Variants in CATSPERD observed in about 807,000 individuals in gnomAD.
CATSPERD encodes the protein cation channel sperm-associated auxiliary subunit delta.
CATSPERD carries 86 observed loss-of-function variants against 98.1 expected under a neutral mutation model. The ratio of observed to expected loss-of-function variants is 0.88; its 90% confidence interval spans 0.74 to 1.05. The LOEUF is 1.05. Among genes scored for constraint, CATSPERD ranks in the 50% least tolerant of loss-of-function variants. The pLI is 0.00. For synonymous variants in CATSPERD, 394 were observed against 390.2 expected (o/e 1.01, Z -0.12); for missense variants, 995 against 1,005.7 (o/e 0.99, Z 0.14).
At chr19:5,757,375 G>A (rs569291621) in intron 13 of CATSPERD, among the ~76,000 whole-genome samples, 1 of 145,608 alleles carries the variant, frequency 6.9e-6, no homozygotes, top group African/African-American at 2.5e-5. Flanking sequence ...TCAGCTCACC[G>A]CAACTTTTGC....
rs748457760 is a variant in CATSPERD at position 5,757,885 on chromosome 19, T to C, written c.1321T>C (p.Phe441Leu). The C allele has an allele frequency of 1.2e-6, 2 of 1,613,300 alleles. No individual in the cohort carries two copies. Among genetic ancestry groups the C allele is most frequent in the Admixed American group, 1.7e-5 (1 of 59,902 alleles). The change falls in exon 14 of 22, where the codon TTC (phenylalanine) becomes CTC (leucine). Residue 441 changes from phenylalanine (F) to leucine (L), a missense_variant. Coordinates refer to ENST00000381624, the MANE Select transcript of CATSPERD (RefSeq NM_152784.4). ...CCACTCCCTGGGGTTCCAGGCCACC[T>C]TCTACGAGAACGGTTACACATCAGA... The part of the protein sequence containing the change: ...NPHSLGFQAT[F>L]YENGYTSDGN...
At chr19:5,743,598 C>T (rs1239323391) in intron 7 of CATSPERD, among the ~76,000 whole-genome samples, 1 of 26,308 alleles carries the variant, frequency 3.8e-5, no homozygotes, top group African/African-American at 1.1e-4. Context: ...GACTCCATCT[C>T]AAAAAAAGAA....
At position 5,720,663 on chromosome 19, in the gene CATSPERD, C is replaced by T. The variant is rs911190844; in HGVS notation, c.-75C>T. The T allele has an allele frequency of 1.0e-5, 15 of 1,432,566 alleles. No individual in the cohort carries two copies. In the Admixed American group the frequency reaches 1.1e-4, roughly 11 times the overall value. The allele number at this position is 1,432,566 out of a possible 1,614,324, so 88.7% of individuals were successfully genotyped here. ...TTGATGCGCATGCGCAGGGCTTCAG[C>T]CTGCACGTACTCGGATTGTGCAGCG... On this transcript the variant is annotated 5_prime_UTR_variant, in exon 1 of 22. Coordinates refer to ENST00000381624, the MANE Select transcript of CATSPERD (RefSeq NM_152784.4).
rs77134675 is a variant in CATSPERD, at chr19:5,738,462, G to A, written c.460-864G>A. Among the ~76,000 whole-genome samples, 450 of 152,108 alleles carry A rather than the reference G, an allele frequency of 3.0e-3. 3 individuals are homozygous for A. Among genetic ancestry groups the A allele is most frequent in the African/African-American group, 0.011 (439 of 41,492 alleles). On this transcript the variant is annotated intron_variant, in intron 6 of 21. Coordinates refer to ENST00000381624, the MANE Select transcript of CATSPERD (RefSeq NM_152784.4). Reference sequence around the variant, plus strand: ...TGGGAGGATGGCTTGAGCCCAGAAGGCGCAGGTTATAGTGAGCTGAGATCA... The same window carrying A: ...TGGGAGGATGGCTTGAGCCCAGAAGACGCAGGTTATAGTGAGCTGAGATCA...
intron 13 of CATSPERD, among the ~76,000 whole-genome samples, chr19:5,757,036 A>C (rs2056336489): frequency 6.6e-6 from 1 of 152,062 alleles, no homozygotes; most frequent in South Asian, 2.1e-4. Flanking sequence ...TATCATATGA[A>C]GTCAGGAGTT....
chr19:5,737,313 C>G lies in CATSPERD; in HGVS notation c.459+108C>G, dbSNP rs2055867890. The stretch of plus-strand genomic sequence containing the variant: ...TGGTGGCTCATACCTGTAATCCCAG[C>G]ACTTTGGGAGGCCGAGGCAAGAGGA... On this transcript the variant is annotated intron_variant, in intron 6 of 21. Transcript: ENST00000381624. 9.9e-6 allele frequency: 7 copies of G among 707,528 alleles called. No individual in the cohort carries two copies. In the East Asian group the frequency reaches 2.1e-4, roughly 21 times the overall value. 43.8% of individuals were successfully genotyped at this position (707,528 alleles called of 1,614,324 possible).
At chr19:5,760,412 A>AG (rs398120764) in intron 15 of CATSPERD, among the ~76,000 whole-genome samples, 139 of 150,462 alleles carry the variant, frequency 9.2e-4, no homozygotes, top group African/African-American at 3.2e-3. Flanking sequence ...AAAAAAAAAA[A>AG]GTAAGGGAAT....
chr19:5,732,130 C>T (rs924613925), intron 4 of CATSPERD, among the ~76,000 whole-genome samples: 8 of 151,788 alleles, frequency 5.3e-5, no homozygotes, highest in Non-Finnish European at 1.0e-4. Flanking sequence ...TTAGCCACCA[C>T]GCCTGGCTAA....
At position 5,775,115 on chromosome 19, in the gene CATSPERD, G is replaced by A. The variant is rs1476168803; in HGVS notation, c.1942-1046G>A. On this transcript the variant is annotated intron_variant, in intron 20 of 21. Transcript: ENST00000381624. Reference sequence around the variant, plus strand: ...AGGAAGGCCTGAAAGCAGGCATGTGGCAGACTGCCACGGTTACTACTTGAG... The same window carrying A: ...AGGAAGGCCTGAAAGCAGGCATGTGACAGACTGCCACGGTTACTACTTGAG... 11 of 361,206 alleles carry A rather than the reference G, an allele frequency of 3.0e-5. No individual in the cohort carries two copies. In the Admixed American group the frequency reaches 3.4e-4, roughly 11 times the overall value. The allele number at this position is 361,206 out of a possible 1,614,324, so 22.4% of individuals were successfully genotyped here.
chr19:5,743,435 TA>T (rs554033688), intron 7 of CATSPERD, among the ~76,000 whole-genome samples: 1 of 151,536 alleles, frequency 6.6e-6, no homozygotes, highest in Non-Finnish European at 1.5e-5. Flanking sequence ...CCGTTTCTAC[TA>T]AAAAAACAGA....
At chr19:5,743,702 C>CTG (rs1555720820) in intron 7 of CATSPERD, among the ~76,000 whole-genome samples, 4 of 124,402 alleles carry the variant, frequency 3.2e-5, no homozygotes, top group South Asian at 2.6e-4. Context: ...CTCTCTCTCT[C>CTG]TCTCTGTCTC....
At chr19:5,733,307 T>TTTCTTTC (rs1568343566) in intron 4 of CATSPERD, among the ~76,000 whole-genome samples, 1 of 146,858 alleles carries the variant, frequency 6.8e-6, no homozygotes, top group African/African-American at 2.6e-5. Context: ...TTCTTTTTCT[T>TTTCTTTC]TTTCTTTCTT....
At chr19:5,747,752 C>T (rs1260234417) in intron 9 of CATSPERD, among the ~76,000 whole-genome samples, 4 of 151,740 alleles carry the variant, frequency 2.6e-5, no homozygotes. Context: ...GCTGGGATTA[C>T]AGGTGCGTGC....
At chr19:5,772,273 G>A (rs1255973929) in intron 19 of CATSPERD, 2 of 224,936 alleles carry the variant, frequency 8.9e-6, no homozygotes, top group African/African-American at 2.9e-5. Context: ...TGTCGCCCAG[G>A]CTGGAGTGCA....
chr19:5,762,904 G>A (rs1173538400), intron 15 of CATSPERD, among the ~76,000 whole-genome samples: 1 of 151,262 alleles, frequency 6.6e-6, no homozygotes, highest in East Asian at 1.9e-4. Context: ...TGGATGATTG[G>A]ATGGATAGAG....
chr19:5,766,881 C>T (rs1444054743), intron 17 of CATSPERD, among the ~76,000 whole-genome samples: 1 of 151,572 alleles, frequency 6.6e-6, no homozygotes, highest in Non-Finnish European at 1.5e-5. Flanking sequence ...TTAGTAGAAA[C>T]GGGGTTTCAC....
At chr19:5,767,185 C>T (rs1301025736) in intron 17 of CATSPERD, among the ~76,000 whole-genome samples, 3 of 149,658 alleles carry the variant, frequency 2.0e-5, no homozygotes, top group Non-Finnish European at 4.5e-5. Flanking sequence ...GGCGCATTGG[C>T]GGGTGCCTGT....
chr19:5,762,058 A>ATATTTTTTTTTTT lies in CATSPERD; in HGVS notation c.1428-1156_1428-1155insATTTTTTTTTTTT. On this transcript the variant is annotated intron_variant, in intron 15 of 21. Transcript: ENST00000381624. Reference sequence around the variant, plus strand: ...TGGCCTGCCATATATATATATATATATTTTTTTTTTTTTTTTTTTTTTTGA... The same window carrying ATATTTTTTTTTTT: ...TGGCCTGCCATATATATATATATATATATTTTTTTTTTTTTTTTTTTTTTTTTTTTTTTTTTGA... Among the ~76,000 whole-genome samples the ATATTTTTTTTTTT allele has an allele frequency of 3.7e-3, 39 of 10,438 alleles. 4 individuals carry two copies. Among genetic ancestry groups the ATATTTTTTTTTTT allele is most frequent in the African/African-American group, 0.012 (38 of 3,050 alleles). 6.8% of individuals were successfully genotyped at this position (10,438 alleles called of 152,430 possible).
intron 1 of CATSPERD, among the ~76,000 whole-genome samples, chr19:5,724,438 G>A (rs1023511342): frequency 4.6e-5 from 7 of 152,062 alleles, no homozygotes; most frequent in African/African-American, 1.2e-4. Context: ...AGTGGCTCAC[G>A]CCTGTAATCC....
Sources: allele counts gnomAD v4.1 joint callset (sites outside exome capture counted in the v4.1 genomes callset), GRCh38; gene constraint gnomAD v4.1.1; transcripts MANE v1.5; gene names NCBI Gene and HGNC (gene_info 2026-07-23, HGNC 2026-07-21).